Variants in GIP observed in about 807,000 individuals in gnomAD.
GIP encodes the protein gastric inhibitory polypeptide, also known as glucose-dependent insulinotropic polypeptide.
GIP carries 16 observed loss-of-function variants against 18.1 expected under a neutral mutation model. The observed-to-expected ratio is 0.88, with a 90% CI of 0.60 to 1.34. The LOEUF is 1.34. Among genes scored for constraint, GIP ranks in the 40% most tolerant of loss-of-function variants. GIP has a pLI of 0.00. For synonymous variants in GIP, 76 were observed against 74.0 expected (o/e 1.03, Z -0.14); for missense variants, 192 against 183.4 (o/e 1.05, Z -0.27).
chr17:48,963,841 CAAAAAAAAA>C (rs60257330), intron 3 of GIP, among the ~76,000 whole-genome samples: 6 of 35,892 alleles, frequency 1.7e-4, no homozygotes, highest in African/African-American at 8.6e-4. Flanking sequence ...AACTCTGTCT[CAAAAAAAAA>C]AAAAAAAAAA....
chr17:48,962,252 T>C (rs1048383209), intron 3 of GIP, among the ~76,000 whole-genome samples: 8 of 152,040 alleles, frequency 5.3e-5, no homozygotes, highest in East Asian at 1.9e-4. Flanking sequence ...GTACTTTTTG[T>C]TTGCCATGTT....
intron 3 of GIP, among the ~76,000 whole-genome samples, chr17:48,962,430 G>A (rs545195885): frequency 3.3e-5 from 5 of 149,912 alleles, no homozygotes; most frequent in Non-Finnish European, 7.4e-5. Context: ...GTGCAGTGGT[G>A]CAATCTCAGC....
At chr17:48,964,599 A>C in intron 2 of GIP, 119 bp from the exon 3 acceptor site, 1 of 800,436 alleles carries the variant, frequency 1.2e-6, no homozygotes, top group Non-Finnish European at 2.0e-6. Context: ...TTTTATGGAG[A>C]CTCCCTGTGG....
At chr17:48,964,920 A>T (rs1211921322) in intron 2 of GIP, among the ~76,000 whole-genome samples, 1 of 151,800 alleles carries the variant, frequency 6.6e-6, no homozygotes, top group Non-Finnish European at 1.5e-5. Flanking sequence ...CGGGCGGATT[A>T]CAAGGTCAGG....
Position 48,967,195 on chromosome 17 carries a change from G to A in GIP, c.38C>T (p.Ser13Phe), listed in dbSNP as rs1398287299. 1.9e-6 allele frequency: 3 copies of A among 1,613,960 alleles called. No homozygotes were observed. The South Asian group carries it at 3.3e-5, about 18-fold the overall frequency. ...TCCTAGTCCCACTGCCAGGAACAGG[G>A]ACAGCAGCAGCAGAGCAAAGGTCTT... ...ATKTFALLLL[S>F]LFLAVGLGEK... The change falls in exon 2 of 6, where the codon TCC becomes TTC. Residue 13 changes from serine to phenylalanine, a missense_variant. Coordinates refer to ENST00000357424, the MANE Select transcript of GIP (RefSeq NM_004123.3).
chr17:48,960,998 A>G lies in GIP; in HGVS notation c.351-11T>C, dbSNP rs141253314. The G allele has an allele frequency of 3.6e-4, 564 of 1,584,098 alleles. 3 individuals carry two copies. The East Asian group carries it at 6.4e-3, about 18-fold the overall frequency. On this transcript the variant is annotated splice_polypyrimidine_tract_variant and intron_variant, in intron 4 of 5. Transcript: ENST00000357424. Reference sequence around the variant, plus strand: ...TTCTTGGCTGGGGAGCTGCAAGGGAACAGTCTCTGGCTAACTATTTTAGCC... The same window carrying G: ...TTCTTGGCTGGGGAGCTGCAAGGGAGCAGTCTCTGGCTAACTATTTTAGCC...
At chr17:48,959,031 T>C (rs2041184808) in intron 5 of GIP, among the ~76,000 whole-genome samples, 1 of 152,070 alleles carries the variant, frequency 6.6e-6, no homozygotes, top group Non-Finnish European at 1.5e-5. Flanking sequence ...ATTTTTTGTA[T>C]TTTTAATAGA....
intron 5 of GIP, among the ~76,000 whole-genome samples, chr17:48,959,346 C>T (rs767860098): frequency 6.6e-6 from 1 of 152,080 alleles, no homozygotes; most frequent in Non-Finnish European, 1.5e-5. Flanking sequence ...CACCTTCTTA[C>T]GGAGATTTTC....
intron 3 of GIP, among the ~76,000 whole-genome samples, chr17:48,963,402 A>G (rs2041211864): frequency 6.6e-6 from 1 of 151,916 alleles, no homozygotes; most frequent in African/African-American, 2.4e-5. Context: ...TATGCCTGTA[A>G]TCCCAGCACT....
At chr17:48,967,361 T>TTC (rs1555588743) in intron 1 of GIP, 108 bp from the exon 2 acceptor site, 3 of 109,544 alleles carry the variant, frequency 2.7e-5, no homozygotes, top group African/African-American at 1.4e-4. Flanking sequence ...TCCTTTTTCT[T>TTC]TTTTTTTTTT....
At chr17:48,963,442 G>A (rs2041211995) in intron 3 of GIP, among the ~76,000 whole-genome samples, 1 of 151,568 alleles carries the variant, frequency 6.6e-6, no homozygotes, top group African/African-American at 2.4e-5. Flanking sequence ...GGATCACGAG[G>A]TCAGGAGTTT....
chr17:48,959,264 A>G (rs1018123278), intron 5 of GIP, among the ~76,000 whole-genome samples: 11 of 152,166 alleles, frequency 7.2e-5, no homozygotes, highest in African/African-American at 2.7e-4. Context: ...TCCTGGCCTC[A>G]AGCAATGCTC....
chr17:48,958,856 CTTT>C (rs34610908), intron 5 of GIP, 140 bp from the exon 6 acceptor site: 1,397 of 423,150 alleles, frequency 3.3e-3, no homozygotes, highest in South Asian at 4.0e-3. Context: ...TATCAATTTA[CTTT>C]TTTTTTTTTT....
chr17:48,963,841 CAAAAAAA>C (rs60257330), intron 3 of GIP, among the ~76,000 whole-genome samples: 1 of 35,870 alleles, frequency 2.8e-5, no homozygotes, highest in Admixed American at 5.1e-4. Context: ...AACTCTGTCT[CAAAAAAA>C]AAAAAAAAAA....
chr17:48,963,097 AAAAAT>A (rs1285326746), intron 3 of GIP, among the ~76,000 whole-genome samples: 6 of 1,188 alleles, frequency 5.1e-3, no homozygotes, highest in Admixed American at 9.8e-3. Flanking sequence ...ACAGAGCAAA[AAAAAT>A]CCGTCTCAAA....
At chr17:48,964,538 T>C in intron 2 of GIP, 58 bp from the exon 3 acceptor site, 1 of 1,437,644 alleles carries the variant, frequency 7.0e-7, no homozygotes, top group East Asian at 2.3e-5. Context: ...AATGCTAGGG[T>C]AAATGACTGT....
At chr17:48,965,468 G>GGT (rs1252222726) in intron 2 of GIP, among the ~76,000 whole-genome samples, 1 of 151,600 alleles carries the variant, frequency 6.6e-6, no homozygotes, top group Non-Finnish European at 1.5e-5. Context: ...AGCCAGGCGT[G>GGT]GTGGCAGGCG....
intron 2 of GIP, among the ~76,000 whole-genome samples, chr17:48,966,813 GAAAAAAGA>G (rs975966058): frequency 2.0e-5 from 3 of 151,008 alleles, no homozygotes; most frequent in Non-Finnish European, 3.0e-5. Context: ...CTCAAAAAAA[GAAAAAAGA>G]AAAAAAGAAA....
chr17:48,961,650 G>A (rs2041200839), intron 4 of GIP, 77 bp downstream of exon 4: 1 of 886,574 alleles, frequency 1.1e-6, no homozygotes, highest in East Asian at 2.5e-5. Flanking sequence ...CTGCTCTGGG[G>A]TCAGGGAGAG....
Sources: allele counts gnomAD v4.1 joint callset (sites outside exome capture counted in the v4.1 genomes callset), GRCh38; gene constraint gnomAD v4.1.1; transcripts MANE v1.5; gene names NCBI Gene and HGNC (gene_info 2026-07-23, HGNC 2026-07-21).